Variants in FNDC3A observed in about 807,000 individuals in gnomAD.
FNDC3A encodes fibronectin type-III domain-containing protein 3A.
FNDC3A carries 32 observed loss-of-function variants against 148.9 expected under a neutral mutation model. The ratio of observed to expected loss-of-function variants is 0.21; its 90% CI spans 0.16 to 0.29. The LOEUF (loss-of-function observed/expected upper bound fraction) is 0.29, where lower values mean the gene tolerates loss of function less well. Ranked by LOEUF, FNDC3A falls within the 10% of genes least tolerant of loss-of-function variation. The probability of loss-of-function intolerance (pLI) is 1.00; values close to 1 mark genes in which losing one functional copy is unlikely to be tolerated. For synonymous variants in FNDC3A, 472 were observed against 473.6 expected (o/e 1.00, Z 0.04); for missense variants, 1,191 against 1,452.8 (o/e 0.82, Z 2.93).
At chr13:49,056,417 T>G (rs1043592371) in intron 2 of FNDC3A, among the ~76,000 whole-genome samples, 1 of 152,204 alleles carries the variant, frequency 6.6e-6, no homozygotes, top group African/African-American at 2.4e-5. Flanking sequence ...TGTACTATAG[T>G]GTGTCTAGGA....
chr13:49,125,156 G>C (rs1414012661), intron 4 of FNDC3A, among the ~76,000 whole-genome samples: 2 of 152,142 alleles, frequency 1.3e-5, no homozygotes, highest in Non-Finnish European at 2.9e-5. Context: ...TTGCTTTTAT[G>C]ATGGCACGCA....
intron 1 of FNDC3A, among the ~76,000 whole-genome samples, chr13:49,003,019 C>T (rs971045208): frequency 6.6e-6 from 1 of 152,142 alleles, no homozygotes; most frequent in African/African-American, 2.4e-5. Flanking sequence ...AGTTTGCCTC[C>T]ATAACTTCAT....
chr13:49,202,634 T>C (rs1404205907), intron 24 of FNDC3A, among the ~76,000 whole-genome samples: 1 of 152,212 alleles, frequency 6.6e-6, no homozygotes, highest in East Asian at 1.9e-4. Flanking sequence ...GACTAGTCTT[T>C]CTAATAATAT....
rs1886699683 is a variant in FNDC3A, at chr13:49,207,360, A to C, written c.3562A>C (p.Ile1188Leu). The C allele has an allele frequency of 6.2e-7, 1 of 1,612,036 alleles. No homozygotes were observed. Among genetic ancestry groups the C allele is most frequent in the Admixed American group, 1.7e-5 (1 of 60,002 alleles). Residue 1188 changes from isoleucine to leucine, a missense_variant, in exon 26 of 26, where the codon ATT (isoleucine) becomes CTT (leucine). Transcript: ENST00000492622. ...GCTGTTTGCTTTCTTTTCCATTTTGATTGCCTTTATCATTCAGTACTTTGT... is the reference window on the plus strand; with the variant it reads ...GCTGTTTGCTTTCTTTTCCATTTTGCTTGCCTTTATCATTCAGTACTTTGT... ...LVLFAFFSIL[I>L]AFIIQYFVIK is the part of the protein sequence containing the mutation.
intron 1 of FNDC3A, among the ~76,000 whole-genome samples, chr13:49,001,484 C>T (rs182985854): frequency 3.1e-4 from 47 of 152,312 alleles, no homozygotes; most frequent in African/African-American, 1.1e-3. Flanking sequence ...TAAACTCTGA[C>T]TGCCAGTGAG....
At chr13:49,020,209 G>A (rs1873215784) in intron 2 of FNDC3A, among the ~76,000 whole-genome samples, 1 of 152,146 alleles carries the variant, frequency 6.6e-6, no homozygotes, top group Non-Finnish European at 1.5e-5. Flanking sequence ...TGTTTAAGGA[G>A]AGTGAAGCTA....
intron 2 of FNDC3A, among the ~76,000 whole-genome samples, chr13:49,013,478 G>A (rs922183668): frequency 2.3e-4 from 35 of 149,810 alleles, no homozygotes; most frequent in Non-Finnish European, 3.7e-4. Context: ...ATGTACACGT[G>A]TATACATGTA....
intron 8 of FNDC3A, among the ~76,000 whole-genome samples, chr13:49,151,246 T>C (rs1883275911): frequency 6.6e-6 from 1 of 152,210 alleles, no homozygotes; most frequent in African/African-American, 2.4e-5. Flanking sequence ...CAATAATTGC[T>C]TTATATTTCT....
chr13:49,033,594 A>C (rs1205249434), intron 2 of FNDC3A, among the ~76,000 whole-genome samples: 1 of 152,134 alleles, frequency 6.6e-6, no homozygotes, highest in Non-Finnish European at 1.5e-5. Context: ...GAAGCTGTTG[A>C]ATCTTACAGC....
chr13:49,148,804 T>G (rs73184681), intron 8 of FNDC3A, among the ~76,000 whole-genome samples: 1 of 152,344 alleles, frequency 6.6e-6, no homozygotes, highest in Non-Finnish European at 1.5e-5. Flanking sequence ...GTATGTTCAT[T>G]TTAATGGTAT....
chr13:48,994,044 A>T (rs1056794098), intron 1 of FNDC3A, among the ~76,000 whole-genome samples: 1 of 152,224 alleles, frequency 6.6e-6, no homozygotes, highest in African/African-American at 2.4e-5. Flanking sequence ...GGAAAGTGTA[A>T]TCTTGCTAAT....
In FNDC3A at chr13:49,000,486, G is replaced by C. The variant is rs374094938; in HGVS notation, c.-39-5666G>C. 2.0e-4 allele frequency among the ~76,000 whole-genome samples: 30 copies of C among 152,214 alleles called. No individual in the cohort carries two copies. In the East Asian group the frequency reaches 5.4e-3, roughly 27 times the overall value. On this transcript the variant is annotated intron_variant, in intron 1 of 25. Coordinates refer to ENST00000492622, the MANE Select transcript of FNDC3A (RefSeq NM_001079673.2). ...ACACTGTTTTGATTCCTGTGGCTTT[G>C]TAATATGCTTTGAAATCAGGAAGTG...
rs568734096 is a variant in FNDC3A at position 49,009,190 on chromosome 13, A to C, written c.99+2901A>C. 2.6e-5 allele frequency among the ~76,000 whole-genome samples: 4 copies of C among 152,208 alleles called. No homozygotes were observed. The East Asian group carries it at 7.7e-4, about 29-fold the overall frequency. On this transcript the variant is annotated intron_variant, in intron 2 of 25. Coordinates refer to ENST00000492622, the MANE Select transcript of FNDC3A (RefSeq NM_001079673.2). Reference sequence around the variant, plus strand: ...CTGATCTTTTTACTATCTCTCTACTATAGTTTTGTATTTTTAAGAATGCAA... The same window carrying C: ...CTGATCTTTTTACTATCTCTCTACTCTAGTTTTGTATTTTTAAGAATGCAA...
At chr13:49,065,649 G>A (rs2137753927) in intron 2 of FNDC3A, among the ~76,000 whole-genome samples, 2 of 152,242 alleles carry the variant, frequency 1.3e-5, no homozygotes, top group South Asian at 4.1e-4. Flanking sequence ...GGGGAGGCTG[G>A]TATTTCTGTG....
At chr13:49,037,619 G>T (rs149692377) in intron 2 of FNDC3A, among the ~76,000 whole-genome samples, 1 of 152,214 alleles carries the variant, frequency 6.6e-6, no homozygotes, top group African/African-American at 2.4e-5. Context: ...CTCACCTTCA[G>T]TATCTTCAGT....
chr13:49,068,354 A>G (rs1877407924), intron 2 of FNDC3A, among the ~76,000 whole-genome samples: 1 of 151,924 alleles, frequency 6.6e-6, no homozygotes, highest in Non-Finnish European at 1.5e-5. Flanking sequence ...ACAGAGTGAG[A>G]CCCGTCTATA....
At chr13:49,013,022 T>A (rs966868310) in intron 2 of FNDC3A, among the ~76,000 whole-genome samples, 1 of 152,118 alleles carries the variant, frequency 6.6e-6, no homozygotes, top group African/African-American at 2.4e-5. Flanking sequence ...CTTTCTAAGA[T>A]CTAAAAGGGT....
At position 49,208,206 on chromosome 13, in the gene FNDC3A, T is replaced by G. The variant is rs1886741658; in HGVS notation, c.*811T>G. On this transcript the variant is annotated 3_prime_UTR_variant, in exon 26 of 26. Transcript: ENST00000492622. ...TTCTGTTTTGTGAACCTTTGAACTA[T>G]ATGTATGTGTATAAGGGTATACACA... 1.3e-5 allele frequency: 2 copies of G among 152,338 alleles called. No homozygotes were observed. The highest frequency in any genetic ancestry group is 2.9e-5 in the Non-Finnish European group (2 of 68,050). 9.4% of individuals were successfully genotyped at this position (152,338 alleles called of 1,614,324 possible). A position where few individuals can be genotyped will look rare whatever the true frequency, so the allele number is the denominator to read the frequency against.
At chr13:49,117,350 G>A (rs1881035643) in intron 4 of FNDC3A, among the ~76,000 whole-genome samples, 2 of 152,086 alleles carry the variant, frequency 1.3e-5, no homozygotes, top group African/African-American at 2.4e-5. Context: ...TTTCAATTAT[G>A]TCCATTTTTG....
Sources: gnomAD v4.1 joint callset for allele counts (sites outside exome capture counted in the v4.1 genomes callset) on GRCh38, gnomAD v4.1.1 for gene constraint, MANE v1.5 for transcripts, NCBI Gene and HGNC (gene_info 2026-07-23, HGNC 2026-07-21) for gene names.